EPG5: variants seen among roughly 807,000 people sequenced by gnomAD.
EPG5 encodes ectopic P-granules 5 autophagy tethering factor, also known as ectopic P granules protein 5 homolog.
A neutral mutation model predicts 302.7 loss-of-function variants in EPG5; 159 were observed. The observed-to-expected ratio is 0.53, with a 90% CI of 0.46 to 0.60. The LOEUF is 0.60. Among genes scored for constraint, EPG5 ranks in the 20% least tolerant of loss-of-function variants. The pLI is 0.00. For missense variants in EPG5, 2,896 were observed against 3,092.4 expected, an observed-to-expected ratio of 0.94 and a Z score of 1.51; for synonymous variants, 1,158 against 1,136.8, an observed-to-expected ratio of 1.02 and a Z score of -0.37.
downstream of EPG5, among the ~76,000 whole-genome samples, chr18:45,845,263 CAG>C (rs1311728357): frequency 2.0e-5 from 3 of 152,208 alleles, no homozygotes; most frequent in Non-Finnish European, 2.9e-5. Context: ...CGCCATTCCT[CAG>C]AGAGACATGC....
chr18:45,838,954 C>T, the EPG5 span: 9 of 1,604,862 alleles, frequency 5.6e-6, no homozygotes, highest in Non-Finnish European at 7.6e-6. Flanking sequence ...CAGCCTGGGC[C>T]GCTCCGAGGC....
At chr18:45,826,045 C>T in the EPG5 span, among the ~76,000 whole-genome samples, 1 of 152,160 alleles carries the variant, frequency 6.6e-6, no homozygotes, top group African/African-American at 2.4e-5. Flanking sequence ...CTTGCCCCAC[C>T]CATTGCTGCG....
the EPG5 span, among the ~76,000 whole-genome samples, chr18:45,804,975 G>A: frequency 6.6e-6 from 1 of 152,026 alleles, no homozygotes; most frequent in African/African-American, 2.4e-5. Context: ...ACGATTGCAA[G>A]GTTTGCATAT....
intron 1 of EPG5, among the ~76,000 whole-genome samples, 184 bp downstream of exon 1, chr18:45,966,993 T>C (rs1265844365): frequency 6.6e-6 from 1 of 151,508 alleles, no homozygotes; most frequent in African/African-American, 2.4e-5. Flanking sequence ...GGCAGGGGGA[T>C]ATGGAGAAGG....
At chr18:45,811,028 GC>G in the EPG5 span, among the ~76,000 whole-genome samples, 29 of 151,910 alleles carry the variant, frequency 1.9e-4, no homozygotes, top group Non-Finnish European at 4.3e-4. Context: ...TGTAATAAAG[GC>G]CATCTATGAC....
intron 9 of EPG5, among the ~76,000 whole-genome samples, chr18:45,940,822 C>T (rs1223619400): frequency 6.6e-6 from 1 of 152,176 alleles, no homozygotes; most frequent in Non-Finnish European, 1.5e-5. Flanking sequence ...AGAAAAGCCA[C>T]AGGTGGCACC....
At chr18:45,808,262 T>C in the EPG5 span, among the ~76,000 whole-genome samples, 1 of 152,182 alleles carries the variant, frequency 6.6e-6, no homozygotes, top group Non-Finnish European at 1.5e-5. Flanking sequence ...ATAATCAGTG[T>C]TCCTGAGGAA....
chr18:45,953,882 C>A (rs540119795), intron 2 of EPG5: 24 of 985,176 alleles, frequency 2.4e-5, no homozygotes, highest in East Asian at 1.1e-4. Context: ...CTTCAGTTTC[C>A]TCATCCCTTC....
rs761798470 is a variant in EPG5 at position 45,850,844 on chromosome 18, T to G, written c.*1623A>C. 1 of 152,662 alleles carries G rather than the reference T, an allele frequency of 6.6e-6. No individual in the cohort carries two copies. The highest frequency in any genetic ancestry group is 1.5e-5 in the Non-Finnish European group (1 of 68,042). 9.5% of individuals were successfully genotyped at this position (152,662 alleles called of 1,614,324 possible). ...AATCGCTGTTGCCAGATCAGACTAT[T>G]AAATTGTCCACAGCTTCTCAAATTT... On this transcript the variant is annotated 3_prime_UTR_variant, in exon 44 of 44. Coordinates refer to ENST00000282041, the MANE Select transcript of EPG5 (RefSeq NM_020964.3).
At chr18:45,836,005 G>A in the EPG5 span, among the ~76,000 whole-genome samples, 7,558 of 152,246 alleles carry the variant, frequency 0.05, 340 homozygotes, top group African/African-American at 0.12. Flanking sequence ...GAACAATGGC[G>A]GTCCTGTGGG....
the EPG5 span, chr18:45,825,807 C>T: frequency 6.2e-7 from 1 of 1,613,978 alleles, no homozygotes; most frequent in Non-Finnish European, 8.5e-7. Context: ...CTCTCTGGCC[C>T]ATGCTCGGGA....
intron 13 of EPG5, 87 bp downstream of exon 13, chr18:45,928,782 T>G (rs907131799): frequency 7.6e-7 from 1 of 1,316,534 alleles, no homozygotes; most frequent in African/African-American, 1.5e-5. Flanking sequence ...AGTGACAAGA[T>G]CATTCCCAAG....
chr18:45,868,025 G>A, intron 36 of EPG5: 2 of 508,048 alleles, frequency 3.9e-6, no homozygotes, highest in South Asian at 3.1e-5. Flanking sequence ...CCCAACCTGG[G>A]TGGAGAATCG....
intron 2 of EPG5, chr18:45,953,468 T>C (rs1450152660): frequency 1.0e-6 from 1 of 985,254 alleles, no homozygotes; most frequent in Non-Finnish European, 1.2e-6. Context: ...GGTCTGCCAA[T>C]GAATGAGGAT....
In EPG5 at chr18:45,912,426, C is replaced by T. The variant is rs377030279; in HGVS notation, c.3847G>A (p.Val1283Met). ...ATCAGCAGCCTCTGGAGGGATGGCA[C>T]GATGGGGAGCTTCAGCTGGGTCTGG... ...KAQTQLKLPIVPSLQRLLIYR... is the reference protein window; with the variant it reads ...KAQTQLKLPIMPSLQRLLIYR... The change falls in exon 22 of 44, where the codon GTG becomes ATG. Residue 1283 changes from valine to methionine, a missense_variant. Transcript: ENST00000282041. 12 of 1,603,014 alleles carry T rather than the reference C, an allele frequency of 7.5e-6. No homozygotes were observed. Among genetic ancestry groups the T allele is most frequent in the East Asian group, 6.7e-5 (3 of 44,646 alleles).
chr18:45,943,001 T>C (rs770814350), intron 9 of EPG5, among the ~76,000 whole-genome samples, 160 bp downstream of exon 9: 4 of 152,160 alleles, frequency 2.6e-5, no homozygotes, highest in Non-Finnish European at 5.9e-5. Flanking sequence ...GAAGCAATTA[T>C]GAAATTCCCA....
Position 45,946,702 on chromosome 18 carries a change from C to G in EPG5, c.1638G>C (p.Gly546=). Residue 546 remains glycine (G), a synonymous_variant, in exon 7 of 44, where the codon GGG becomes GGC. Coordinates refer to ENST00000282041, the MANE Select transcript of EPG5 (RefSeq NM_020964.3). ...CGTCTACTAGCGTCCAAGTCCCAGACCCAGGCCCTGAGGAGGATGGCTTCC... is the reference window on the plus strand; with the variant it reads ...CGTCTACTAGCGTCCAAGTCCCAGAGCCAGGCCCTGAGGAGGATGGCTTCC... ...SERKPSSSGP[G]SGTWTLVDEG... is the part of the protein sequence containing the mutation. 1 of 1,614,180 alleles carries G rather than the reference C, an allele frequency of 6.2e-7. No individual in the cohort carries two copies. Among genetic ancestry groups the G allele is most frequent in the East Asian group, 2.2e-5 (1 of 44,890 alleles).
At chr18:45,834,888 G>C in the EPG5 span, among the ~76,000 whole-genome samples, 1 of 152,184 alleles carries the variant, frequency 6.6e-6, no homozygotes, top group Non-Finnish European at 1.5e-5. Flanking sequence ...ACTAAGGCTG[G>C]GGCTCAACCT....
chr18:45,837,879 T>C, the EPG5 span: 3 of 1,529,188 alleles, frequency 2.0e-6, no homozygotes, highest in Non-Finnish European at 2.6e-6. Flanking sequence ...CGCCACGGCG[T>C]CCGGCTGCAC....
Sources: allele counts gnomAD v4.1 joint callset (sites outside exome capture counted in the v4.1 genomes callset), GRCh38; gene constraint gnomAD v4.1.1; transcripts MANE v1.5; gene names NCBI Gene and HGNC (gene_info 2026-07-23, HGNC 2026-07-21).